UNC79: variants seen among roughly 807,000 people sequenced by gnomAD.
UNC79 encodes the protein unc-79 subunit of NALCN channel complex, also known as protein unc-79 homolog.
Under a neutral mutation model 283.1 loss-of-function variants are expected in UNC79, and 37 were observed. The ratio of observed to expected loss-of-function variants is 0.13; its 90% CI spans 0.10 to 0.17. UNC79 has a LOEUF of 0.17. Ranked by LOEUF, UNC79 falls within the 10% of genes least tolerant of loss-of-function variation. The pLI is 1.00. For missense variants in UNC79, 2,272 were observed against 3,211.1 expected, an observed-to-expected ratio of 0.71 and a Z score of 7.07; for synonymous variants, 1,107 against 1,200.2, an observed-to-expected ratio of 0.92 and a Z score of 1.61.
At chr14:93,631,615 T>C (rs530023596) in intron 31 of UNC79, among the ~76,000 whole-genome samples, 2 of 152,344 alleles carry the variant, frequency 1.3e-5, no homozygotes, top group South Asian at 4.1e-4. Context: ...CTATAAACCT[T>C]TGTCATATGT....
chr14:93,580,499 G>C, intron 19 of UNC79, 123 bp downstream of exon 19: 1 of 1,016,352 alleles, frequency 9.8e-7, no homozygotes, highest in Non-Finnish European at 1.4e-6. Context: ...GTGAGACTGT[G>C]TTAAAAGAAA....
chr14:93,475,116 C>T (rs1352402378), intron 3 of UNC79, among the ~76,000 whole-genome samples: 1 of 152,152 alleles, frequency 6.6e-6, no homozygotes, highest in Admixed American at 6.6e-5. Context: ...TAGCCAGTTT[C>T]ATTATCTTGG....
chr14:93,551,745 A>ATG (rs2061912103), intron 14 of UNC79, among the ~76,000 whole-genome samples: 2 of 152,222 alleles, frequency 1.3e-5, no homozygotes, highest in Non-Finnish European at 2.9e-5. Context: ...GAATGTATGA[A>ATG]AGAATGCTCT....
intron 8 of UNC79, among the ~76,000 whole-genome samples, chr14:93,527,622 AT>A: frequency 6.6e-6 from 1 of 152,210 alleles, no homozygotes; most frequent in East Asian, 1.9e-4. Context: ...AGTTTAGGTG[AT>A]TTCCCCCCTT....
At chr14:93,428,129 G>C (rs181211267), upstream of UNC79, among the ~76,000 whole-genome samples, 88 of 152,250 alleles carry the variant, frequency 5.8e-4, no homozygotes, top group African/African-American at 2.0e-3. Context: ...GACTATTGAA[G>C]TAACCTGTTT....
At chr14:93,639,070 C>G (rs2068775849) in intron 32 of UNC79, among the ~76,000 whole-genome samples, 1 of 152,148 alleles carries the variant, frequency 6.6e-6, no homozygotes, top group South Asian at 2.1e-4. Context: ...TTGTATTAGG[C>G]AATAATTAGT....
chr14:93,591,158 T>C (rs2064645552), intron 22 of UNC79, among the ~76,000 whole-genome samples: 1 of 152,312 alleles, frequency 6.6e-6, no homozygotes, highest in Non-Finnish European at 1.5e-5. Flanking sequence ...TCCTTTTCAT[T>C]CTATAGCTCT....
intron 33 of UNC79, among the ~76,000 whole-genome samples, chr14:93,641,739 C>A (rs941444376): frequency 6.6e-6 from 1 of 152,140 alleles, no homozygotes; most frequent in Non-Finnish European, 1.5e-5. Context: ...TAAAAGTGAC[C>A]TGATTGATAA....
At chr14:93,448,962 C>T (rs1453930416) in intron 1 of UNC79, among the ~76,000 whole-genome samples, 2 of 152,196 alleles carry the variant, frequency 1.3e-5, no homozygotes, top group African/African-American at 4.8e-5. Flanking sequence ...TGCTTTGACT[C>T]CTGTTTTCAG....
intron 48 of UNC79, 43 bp from the exon 52 acceptor site, chr14:93,706,661 C>T (rs761109956): frequency 5.6e-6 from 9 of 1,608,604 alleles, no homozygotes; most frequent in African/African-American, 2.7e-5. Flanking sequence ...CTGGGTTGCC[C>T]GTGAAAAGAA....
chr14:93,641,366 G>A (rs1289544656), intron 33 of UNC79, 119 bp downstream of exon 36: 1 of 929,706 alleles, frequency 1.1e-6, no homozygotes, highest in East Asian at 2.7e-5. Flanking sequence ...TGTTCCTCCA[G>A]TATATTGCCT....
At chr14:93,437,685 G>A (rs1328548396) in intron 1 of UNC79, among the ~76,000 whole-genome samples, 1 of 152,134 alleles carries the variant, frequency 6.6e-6, no homozygotes, top group Non-Finnish European at 1.5e-5. Context: ...AGGCTCTAGG[G>A]AAAAATCTCC....
chr14:93,691,660 T>C, intron 45 of UNC79, 89 bp from the exon 49 acceptor site: 1 of 1,427,670 alleles, frequency 7.0e-7, no homozygotes, highest in Non-Finnish European at 9.8e-7. Context: ...CTGTGCTCCC[T>C]GGCAAGACCA....
At chr14:93,384,566 G>C (rs531361299) in intron 1 of UNC79, among the ~76,000 whole-genome samples, 1 of 152,242 alleles carries the variant, frequency 6.6e-6, no homozygotes, top group African/African-American at 2.4e-5. Context: ...TTTTCCTATA[G>C]AGTTGTTTGA....
rs867618999 is a variant in UNC79 at position 93,347,519 on chromosome 14, C to T, written c.-351+13996C>T. The T allele has an allele frequency of 1.1e-4, 129 of 1,170,680 alleles. 2 individuals are homozygous for T. In the Middle Eastern group the frequency reaches 2.5e-3, roughly 23 times the overall value. 72.5% of individuals were successfully genotyped at this position (1,170,680 alleles called of 1,614,324 possible). On this transcript the variant is annotated intron_variant, in intron 1 of 49. Transcript: ENST00000256339. The stretch of plus-strand genomic sequence containing the variant: ...GCGTGGGAGGCTCTTGTGGCTTGGT[C>T]GCCGTTGGGGGAGGTTCCTGTGGCT...
At chr14:93,461,174 A>G (rs1219224301) in intron 1 of UNC79, among the ~76,000 whole-genome samples, 1 of 152,110 alleles carries the variant, frequency 6.6e-6, no homozygotes, top group Non-Finnish European at 1.5e-5. Flanking sequence ...CCTTTAGGTG[A>G]TTTTTATCTT....
At chr14:93,533,559 G>C (rs537334381) in intron 11 of UNC79, among the ~76,000 whole-genome samples, 1 of 152,270 alleles carries the variant, frequency 6.6e-6, no homozygotes, top group South Asian at 2.1e-4. Flanking sequence ...GATGGGTGGG[G>C]TGTCTGGGCC....
chr14:93,704,254 C>G (rs2075722947), intron 47 of UNC79, among the ~76,000 whole-genome samples: 1 of 152,304 alleles, frequency 6.6e-6, no homozygotes, highest in Non-Finnish European at 1.5e-5. Flanking sequence ...AATAGAGTCG[C>G]CATTCCACTC....
rs2140326830 is a variant in UNC79, at chr14:93,474,576, T to TTTG, written c.448+183_448+184insTTG. Among the ~76,000 whole-genome samples, 1 of 152,308 alleles carries TTTG rather than the reference T, an allele frequency of 6.6e-6. No individual in the cohort carries two copies. Among genetic ancestry groups the TTTG allele is most frequent in the African/African-American group, 2.4e-5 (1 of 41,566 alleles). Reference sequence around the variant, plus strand: ...CCCATACTATTATTTTACACTGTTTTATTGCCAGAGGGATGTTATCCAAGT... The same window carrying TTTG: ...CCCATACTATTATTTTACACTGTTTTTTGATTGCCAGAGGGATGTTATCCAAGT... On this transcript the variant is annotated intron_variant, in intron 3 of 48. Coordinates refer to ENST00000555664, the Ensembl canonical transcript of UNC79. The surrounding 1 kb of genome is among the most constrained non-coding windows in gnomAD (Gnocchi z 4.1).
Sources: allele counts gnomAD v4.1 joint callset (sites outside exome capture counted in the v4.1 genomes callset), GRCh38; gene constraint gnomAD v4.1.1; non-coding constraint Gnocchi (gnomAD v3.1); transcripts MANE v1.5; gene names NCBI Gene and HGNC (gene_info 2026-07-23, HGNC 2026-07-21).